NOX4: variants seen among roughly 807,000 people sequenced by gnomAD.
NOX4 encodes NADPH oxidase 4.
In NOX4, 69 loss-of-function variants were observed where a neutral mutation model predicts 87.6. The ratio of observed to expected loss-of-function variants is 0.79; its 90% CI spans 0.65 to 0.96. NOX4 has a LOEUF of 0.96. NOX4 is among the 40% of genes least tolerant of loss of function. The pLI is 0.00. For synonymous variants in NOX4, 275 were observed against 238.2 expected, an observed-to-expected ratio of 1.15 and a Z score of -1.42; for missense variants, 680 against 681.5, an observed-to-expected ratio of 1.00 and a Z score of 0.02.
At chr11:89,567,760 G>A in the NOX4 span, among the ~76,000 whole-genome samples, 3 of 152,054 alleles carry the variant, frequency 2.0e-5, no homozygotes, top group Non-Finnish European at 4.4e-5. Flanking sequence ...ATTTGGGTGG[G>A]GACACAGCCA....
At chr11:89,556,691 A>AATTCC in the NOX4 span, among the ~76,000 whole-genome samples, 3 of 152,162 alleles carry the variant, frequency 2.0e-5, no homozygotes, top group African/African-American at 7.2e-5. Context: ...TGGGAGGGTT[A>AATTCC]CCTCAATTCA....
intron 7 of NOX4, among the ~76,000 whole-genome samples, chr11:89,423,261 G>A (rs1875565): frequency 0.081 from 12,284 of 152,112 alleles, 652 homozygotes; most frequent in Non-Finnish European, 0.12. Context: ...CAAAAACTCA[G>A]ACTAAATTTT....
At chr11:89,532,346 A>T in the NOX4 span, among the ~76,000 whole-genome samples, 1 of 152,228 alleles carries the variant, frequency 6.6e-6, no homozygotes, top group East Asian at 1.9e-4. Context: ...CCCTTGCAGC[A>T]GCATGCCCTG....
chr11:89,474,820 T>A (rs749225662), intron 2 of NOX4, among the ~76,000 whole-genome samples: 4 of 151,918 alleles, frequency 2.6e-5, no homozygotes, highest in Non-Finnish European at 5.9e-5. Context: ...AATAATTAAG[T>A]ACCAAGAATT....
intron 2 of NOX4, among the ~76,000 whole-genome samples, chr11:89,473,492 T>C (rs978726819): frequency 6.6e-6 from 1 of 151,944 alleles, no homozygotes; most frequent in African/African-American, 2.4e-5. Context: ...AAAACGCACA[T>C]GACAATGATA....
At chr11:89,493,015 T>C (rs114702015), upstream of NOX4, among the ~76,000 whole-genome samples, 6 of 152,342 alleles carry the variant, frequency 3.9e-5, no homozygotes, top group African/African-American at 1.2e-4. Context: ...GGCTCTGTCT[T>C]TGCTACTTCA....
At chr11:89,509,231 A>G in the NOX4 span, among the ~76,000 whole-genome samples, 1 of 108,018 alleles carries the variant, frequency 9.3e-6, no homozygotes, top group African/African-American at 3.4e-5. Context: ...AAGAAACAAT[A>G]TATCTTGATT....
the NOX4 span, among the ~76,000 whole-genome samples, chr11:89,534,836 T>C: frequency 1.4e-4 from 21 of 152,366 alleles, no homozygotes; most frequent in African/African-American, 5.1e-4. Flanking sequence ...TTCAGTCTTT[T>C]GGTTTTACTG....
At chr11:89,491,784 T>C (rs975808666), upstream of NOX4, among the ~76,000 whole-genome samples, 8 of 151,108 alleles carry the variant, frequency 5.3e-5, no homozygotes, top group African/African-American at 1.7e-4. Flanking sequence ...ACAGCTCTTT[T>C]AGACTGATTG....
intron 5 of NOX4, among the ~76,000 whole-genome samples, chr11:89,441,049 C>T (rs893231935): frequency 6.6e-6 from 1 of 152,106 alleles, no homozygotes; most frequent in Non-Finnish European, 1.5e-5. Context: ...AATATCTTAG[C>T]CATGATGTTA....
At chr11:89,413,446 T>A (rs1942591595) in intron 8 of NOX4, among the ~76,000 whole-genome samples, 1 of 152,110 alleles carries the variant, frequency 6.6e-6, no homozygotes, top group South Asian at 2.1e-4. Context: ...CATCAACAGA[T>A]GAATGGATAA....
chr11:89,386,819 A>G (rs1193352657), intron 11 of NOX4, among the ~76,000 whole-genome samples: 5 of 152,046 alleles, frequency 3.3e-5, no homozygotes, highest in Non-Finnish European at 7.4e-5. Context: ...ACCCCCTTGG[A>G]CACTCTCTAA....
chr11:89,358,784 T>C (rs942308126), intron 12 of NOX4, among the ~76,000 whole-genome samples: 3 of 151,900 alleles, frequency 2.0e-5, no homozygotes, highest in Non-Finnish European at 4.4e-5. Context: ...GATATATTAA[T>C]GCTACTTCTT....
intron 11 of NOX4, among the ~76,000 whole-genome samples, chr11:89,396,755 G>A (rs1269849815): frequency 5.9e-5 from 9 of 152,034 alleles, no homozygotes; most frequent in Non-Finnish European, 1.0e-4. Context: ...GATCAATTCA[G>A]CAAGAAGAGC....
chr11:89,578,435 C>T, the NOX4 span, among the ~76,000 whole-genome samples: 1 of 152,126 alleles, frequency 6.6e-6, no homozygotes, highest in Admixed American at 6.6e-5. Context: ...AGGCCTCCCT[C>T]GGATTACAGG....
At chr11:89,457,390 C>A (rs756205875) in intron 2 of NOX4, among the ~76,000 whole-genome samples, 18 of 152,204 alleles carry the variant, frequency 1.2e-4, no homozygotes, top group African/African-American at 4.1e-4. Context: ...TGAGCATACA[C>A]AGGACCACTT....
At chr11:89,502,287 T>C (rs906716014), upstream of NOX4, among the ~76,000 whole-genome samples, 1 of 152,056 alleles carries the variant, frequency 6.6e-6, no homozygotes, top group Non-Finnish European at 1.5e-5. Flanking sequence ...ACTGCTCAGC[T>C]AGATGCAACA....
chr11:89,521,818 C>T, the NOX4 span, among the ~76,000 whole-genome samples: 1 of 151,990 alleles, frequency 6.6e-6, no homozygotes, highest in East Asian at 1.9e-4. Flanking sequence ...CTATAAGGTA[C>T]TTAAACAACT....
the NOX4 span, among the ~76,000 whole-genome samples, chr11:89,562,635 C>G: frequency 6.6e-6 from 1 of 152,138 alleles, no homozygotes; most frequent in Non-Finnish European, 1.5e-5. Flanking sequence ...CCATATGAGA[C>G]TATGTATTTG....
Sources: gnomAD v4.1 joint callset for allele counts (sites outside exome capture counted in the v4.1 genomes callset) on GRCh38, gnomAD v4.1.1 for gene constraint, MANE v1.5 for transcripts, NCBI Gene and HGNC (gene_info 2026-07-23, HGNC 2026-07-21) for gene names.